The following FREM2 variants were observed in gnomAD, a reference collection of about 807,000 sequenced individuals.
The protein encoded by FREM2 is FRAS1 related extracellular matrix 2.
A neutral mutation model predicts 219.9 loss-of-function variants in FREM2; 119 were observed. That is an observed-to-expected ratio of 0.54 (90% CI 0.47 to 0.63). The LOEUF (loss-of-function observed/expected upper bound fraction) is 0.63. Among genes scored for constraint, FREM2 ranks in the 30% least tolerant of loss-of-function variants. FREM2 has a pLI of 0.00. For missense variants in FREM2, 4,030 were observed against 3,993.6 expected, an observed-to-expected ratio of 1.01 and a Z score of -0.25; for synonymous variants, 1,562 against 1,522.8, an observed-to-expected ratio of 1.03 and a Z score of -0.60.
chr13:38,731,007 T>A (rs1871745958), intron 2 of FREM2, among the ~76,000 whole-genome samples: 2 of 152,068 alleles, frequency 1.3e-5, no homozygotes, highest in African/African-American at 4.8e-5. Flanking sequence ...TTATCTAAAC[T>A]GAAGAATTCA....
intron 2 of FREM2, among the ~76,000 whole-genome samples, chr13:38,705,052 A>G (rs1870485755): frequency 6.6e-6 from 1 of 152,184 alleles, no homozygotes; most frequent in Admixed American, 6.5e-5. Flanking sequence ...CATATCCCAA[A>G]CTAAATCATT....
intron 6 of FREM2, among the ~76,000 whole-genome samples, chr13:38,803,763 G>A (rs1343033226): frequency 6.7e-6 from 1 of 149,498 alleles, no homozygotes; most frequent in Non-Finnish European, 1.5e-5. Context: ...TATAAGCCAG[G>A]CACATGTAAA....
intron 4 of FREM2, among the ~76,000 whole-genome samples, chr13:38,776,017 A>T (rs149128953): frequency 2.6e-5 from 4 of 152,310 alleles, no homozygotes; most frequent in African/African-American, 9.6e-5. Flanking sequence ...ACTTATTATC[A>T]TGTGGTTTGG....
At chr13:38,879,100 G>A in intron 23 of FREM2, 123 bp downstream of exon 23, 2 of 955,214 alleles carry the variant, frequency 2.1e-6, no homozygotes, top group Admixed American at 1.8e-5. Context: ...ACAGTTAATG[G>A]GAACATTGAA....
At chr13:38,729,515 A>T (rs370572344) in intron 2 of FREM2, among the ~76,000 whole-genome samples, 15 of 152,162 alleles carry the variant, frequency 9.9e-5, no homozygotes, top group East Asian at 7.7e-4. Flanking sequence ...TGACCTAACT[A>T]GGAATTTGTG....
In FREM2 at chr13:38,691,021, C is replaced by G. The variant is rs199937826; in HGVS notation, c.3677C>G (p.Thr1226Ser). The G allele has an allele frequency of 2.0e-4, 320 of 1,614,004 alleles. No individual in the cohort carries two copies. The highest frequency in any genetic ancestry group is 2.6e-4 in the Non-Finnish European group (312 of 1,180,026). Reference sequence around the variant, plus strand: ...GCTGATGTTCCCCTGGATGATTTAACTTTCACTATTACCCAATTCCCCACT... The same window carrying G: ...GCTGATGTTCCCCTGGATGATTTAAGTTTCACTATTACCCAATTCCCCACT... ...ADADVPLDDLTFTITQFPTHG... is the reference protein window; with the variant it reads ...ADADVPLDDLSFTITQFPTHG... Residue 1226 changes from threonine to serine, a missense_variant, in exon 1 of 24, where the codon ACT (threonine) becomes AGT (serine). This residue lies in a region of FREM2 where 3,102 missense variants were observed against 2,950.7 expected (regional missense o/e 1.05). Transcript: ENST00000280481.
At chr13:38,729,870 A>G (rs1871693667) in intron 2 of FREM2, among the ~76,000 whole-genome samples, 1 of 152,224 alleles carries the variant, frequency 6.6e-6, no homozygotes, top group African/African-American at 2.4e-5. Context: ...TCTGGCTGTA[A>G]ATATAAAGTA....
At chr13:38,732,112 T>C (rs1190851087) in intron 2 of FREM2, among the ~76,000 whole-genome samples, 4 of 152,216 alleles carry the variant, frequency 2.6e-5, no homozygotes, top group African/African-American at 9.6e-5. Flanking sequence ...TTTGGAAGAA[T>C]GTTAATAGTA....
At chr13:38,877,920 T>C (rs1191332549) in intron 21 of FREM2, among the ~76,000 whole-genome samples, 1 of 152,198 alleles carries the variant, frequency 6.6e-6, no homozygotes, top group Admixed American at 6.5e-5. Context: ...AATAAATCTT[T>C]AGTCACTTCT....
intron 8 of FREM2, among the ~76,000 whole-genome samples, chr13:38,849,485 T>G (rs1406617975): frequency 1.3e-5 from 2 of 152,214 alleles, no homozygotes; most frequent in Non-Finnish European, 2.9e-5. Context: ...AACCCTCTGC[T>G]GGACACATGG....
Position 38,784,609 on chromosome 13 carries a change from A to G in FREM2, c.5820A>G (p.Ile1940Met), listed in dbSNP as rs749564380. ...CCGTGTTGTCTTACTCTGATTACATATCCAGGCCTGAGGACCACACCAGTG... is the reference window on the plus strand; with the variant it reads ...CCGTGTTGTCTTACTCTGATTACATGTCCAGGCCTGAGGACCACACCAGTG... ...PTSVLSYSDYISRPEDHTSVV... is the reference protein window; with the variant it reads ...PTSVLSYSDYMSRPEDHTSVV... Residue 1940 changes from isoleucine to methionine, a missense_variant, in exon 6 of 24, where the codon ATA becomes ATG. This residue lies in a region of FREM2 where 3,102 missense variants were observed against 2,950.7 expected (regional missense o/e 1.05). Coordinates refer to ENST00000280481, the MANE Select transcript of FREM2 (RefSeq NM_207361.6). The G allele has an allele frequency of 6.2e-7, 1 of 1,614,146 alleles. No individual in the cohort carries two copies. Among genetic ancestry groups the G allele is most frequent in the Non-Finnish European group, 8.5e-7 (1 of 1,179,960 alleles).
intron 2 of FREM2, among the ~76,000 whole-genome samples, chr13:38,700,081 AT>A (rs1204602800): frequency 6.6e-6 from 1 of 152,142 alleles, no homozygotes; most frequent in African/African-American, 2.4e-5. Flanking sequence ...GATTGATTTT[AT>A]AACAGTAACT....
Position 38,687,492 on chromosome 13 carries a change from G to A in FREM2, c.148G>A (p.Ala50Thr). The stretch of plus-strand genomic sequence containing the variant: ...AAGCCGCGTCCCGGCACAGCCCGCT[G>A]CCTTCGGCAGGGCGTTGCTGTCCCC... ...LVSRVPAQPAAFGRALLSPGL... is the reference protein window; with the variant it reads ...LVSRVPAQPATFGRALLSPGL... The change falls in exon 1 of 24, where the codon GCC becomes ACC. Residue 50 changes from alanine (A) to threonine (T), a missense_variant. Around this residue, in one of 2 missense-constraint regions of FREM2, gnomAD observed 3,102 missense variants for 2,950.7 expected, o/e 1.05. Transcript: ENST00000280481. The A allele has an allele frequency of 1.3e-6, 2 of 1,593,920 alleles. No homozygotes were observed. Among genetic ancestry groups the A allele is most frequent in the Non-Finnish European group, 1.7e-6 (2 of 1,171,022 alleles).
chr13:38,880,736 T>C lies in FREM2; in HGVS notation c.9459T>C (p.Ser3153=), dbSNP rs1008838499. ...ATGCCCCGAAAGGCTCCAGCAGCAG[T>C]GAGCCCATGGTGCCCCCACAGAGCC... ...GKDAPKGSSS[S]EPMVPPQSHH... Residue 3153 remains serine (S), a synonymous_variant, in exon 24 of 24, where the codon AGT becomes AGC. Transcript: ENST00000280481. The C allele has an allele frequency of 1.2e-6, 2 of 1,614,174 alleles. No homozygotes were observed. Among genetic ancestry groups the C allele is most frequent in the East Asian group, 4.5e-5 (2 of 44,876 alleles).
chr13:38,689,195 T>C lies in FREM2; in HGVS notation c.1851T>C (p.Pro617=). Residue 617 remains proline, a synonymous_variant, in exon 1 of 24, where the codon CCT becomes CCC. Transcript: ENST00000280481. ...TGHLLLRQTH[P]PHEKQELLRG... is the part of the protein sequence containing the mutation. ...ATCTGCTTCTCCGCCAAACTCACCC[T>C]CCCCATGAGAAGCAGGAACTTCTCA... is the stretch of plus-strand genomic sequence containing the variant. 1 of 1,613,854 alleles carries C rather than the reference T, an allele frequency of 6.2e-7. No individual in the cohort carries two copies. The highest frequency in any genetic ancestry group is 1.1e-5 in the South Asian group (1 of 91,066).
chr13:38,809,151 CTGCT>C (rs1380270626), intron 6 of FREM2, among the ~76,000 whole-genome samples: 1 of 151,212 alleles, frequency 6.6e-6, no homozygotes, highest in African/African-American at 2.4e-5. Flanking sequence ...AGAAATTCTT[CTGCT>C]TGATCTAGTT....
In FREM2 at chr13:38,690,776, C is replaced by A; in HGVS notation, c.3432C>A (p.Gly1144=). The stretch of plus-strand genomic sequence containing the variant: ...TCAACTTGAAAGATCTCAGGCAGGG[C>A]CACATAAACTATGTCCAGAGTGTCC... ...SAFNLKDLRQ[G]HINYVQSVHK... is the part of the protein sequence containing the mutation. The change falls in exon 1 of 24, where the codon GGC becomes GGA. Residue 1144 remains glycine (G), a synonymous_variant. Transcript: ENST00000280481. The A allele has an allele frequency of 6.2e-7, 1 of 1,614,070 alleles. No homozygotes were observed. Among genetic ancestry groups the A allele is most frequent in the Non-Finnish European group, 8.5e-7 (1 of 1,179,986 alleles).
Position 38,880,371 on chromosome 13 carries a change from G to A in FREM2, c.9094G>A (p.Val3032Met). 1 of 1,614,134 alleles carries A rather than the reference G, an allele frequency of 6.2e-7. No homozygotes were observed. Among genetic ancestry groups the A allele is most frequent in the Non-Finnish European group, 8.5e-7 (1 of 1,180,018 alleles). ...NANRGIGKRS[V>M]EYHSLVSQGK... Reference sequence around the variant, plus strand: ...CAATCGAGGTATTGGCAAAAGAAGTGTGGAGTACCATTCTCTGGTGAGTCA... The same window carrying A: ...CAATCGAGGTATTGGCAAAAGAAGTATGGAGTACCATTCTCTGGTGAGTCA... Residue 3032 changes from valine (V) to methionine (M), a missense_variant, in exon 24 of 24, where the codon GTG becomes ATG. Val to Met is a conservative substitution (Grantham distance 21, BLOSUM62 1). Coordinates refer to ENST00000280481, the MANE Select transcript of FREM2 (RefSeq NM_207361.6).
At chr13:38,823,826 A>G (rs914716690) in intron 6 of FREM2, among the ~76,000 whole-genome samples, 3 of 152,118 alleles carry the variant, frequency 2.0e-5, no homozygotes, top group Non-Finnish European at 4.4e-5. Context: ...GACAGCAGTA[A>G]TATGGAAAGA....
Sources: allele counts gnomAD v4.1 joint callset (sites outside exome capture counted in the v4.1 genomes callset), GRCh38; gene constraint gnomAD v4.1.1; regional missense constraint gnomAD v4.1.1; transcripts MANE v1.5; gene names NCBI Gene and HGNC (gene_info 2026-07-23, HGNC 2026-07-21).